HHAT: variants seen among roughly 807,000 people sequenced by gnomAD.
The protein encoded by HHAT is protein-cysteine N-palmitoyltransferase HHAT.
Under a neutral mutation model 70.8 loss-of-function variants are expected in HHAT, and 47 were observed. The ratio of observed to expected loss-of-function variants is 0.66; its 90% CI spans 0.53 to 0.85. HHAT has a LOEUF of 0.85. Among genes scored for constraint, HHAT ranks in the 40% least tolerant of loss-of-function variants. The pLI is 0.00. For synonymous variants in HHAT, 228 were observed against 247.6 expected (o/e 0.92, Z 0.74); for missense variants, 609 against 604.8 (o/e 1.01, Z -0.07).
At position 210,385,133 on chromosome 1, in the gene HHAT, T is replaced by TTC. The variant is rs397864232; in HGVS notation, c.160-2335_160-2334insTC. 3.3e-5 allele frequency among the ~76,000 whole-genome samples: 5 copies of TTC among 152,070 alleles called. No individual in the cohort carries two copies. The East Asian group carries it at 9.7e-4, about 29-fold the overall frequency. On this transcript the variant is annotated intron_variant, in intron 3 of 11. Coordinates refer to ENST00000261458, the MANE Select transcript of HHAT (RefSeq NM_018194.6). ...TGTTTTGTTGTATTATATCCTTTTT[T>TTC]CCACCCTAAAAAATTAAACTTGGAG...
At position 210,328,994 on chromosome 1, in the gene HHAT, G is replaced by T. The variant is rs996743394; in HGVS notation, c.-154G>T. 8.8e-6 allele frequency: 12 copies of T among 1,367,848 alleles called. No homozygotes were observed. The East Asian group carries it at 9.3e-5, about 11-fold the overall frequency. 84.7% of individuals were successfully genotyped at this position (1,367,848 alleles called of 1,614,324 possible). On this transcript the variant is annotated 5_prime_UTR_variant, in exon 1 of 12. Transcript: ENST00000261458. ...GGAAAGAGGGTGGCGTCCCGGGGAA[G>T]CCCGCAGCCGCCGCCGATGTCGCTG...
intron 7 of HHAT, among the ~76,000 whole-genome samples, chr1:210,419,336 T>G (rs1354798703): frequency 1.3e-5 from 2 of 152,194 alleles, no homozygotes; most frequent in Non-Finnish European, 2.9e-5. Context: ...AAGTCTTACT[T>G]CCTCAGCAGG....
chr1:210,580,498 A>AC (rs549835453), intron 9 of HHAT, among the ~76,000 whole-genome samples: 1 of 34,796 alleles, frequency 2.9e-5, no homozygotes, highest in Admixed American at 3.9e-4. Flanking sequence ...CCCACCCCCC[A>AC]CCCCCCAGCA....
chr1:210,436,414 G>T (rs542017466), intron 7 of HHAT, among the ~76,000 whole-genome samples: 1 of 151,584 alleles, frequency 6.6e-6, no homozygotes, highest in African/African-American at 2.4e-5. Context: ...CTTCAACTTC[G>T]TTCTTTTTGC....
At chr1:210,361,385 T>C (rs1388475335) in intron 2 of HHAT, among the ~76,000 whole-genome samples, 1 of 152,236 alleles carries the variant, frequency 6.6e-6, no homozygotes, top group Non-Finnish European at 1.5e-5. Flanking sequence ...ACCAGTGCCC[T>C]ACTGCAATCA....
chr1:210,405,773 G>A (rs1380131989), intron 6 of HHAT, among the ~76,000 whole-genome samples: 1 of 152,146 alleles, frequency 6.6e-6, no homozygotes, highest in Non-Finnish European at 1.5e-5. Context: ...CTAGAAATCT[G>A]TAAGTGAAAT....
intron 1 of HHAT, among the ~76,000 whole-genome samples, chr1:210,332,810 T>C (rs1262871749): frequency 6.6e-6 from 1 of 152,256 alleles, no homozygotes; most frequent in African/African-American, 2.4e-5. Context: ...AACCTGTAAT[T>C]TGAGTATGAC....
intron 8 of HHAT, among the ~76,000 whole-genome samples, chr1:210,481,502 AC>A (rs1410200805): frequency 6.6e-5 from 10 of 152,164 alleles, no homozygotes; most frequent in Non-Finnish European, 1.5e-4. Flanking sequence ...GTCACTTTTA[AC>A]AATGAAATCG....
intron 7 of HHAT, chr1:210,439,836 T>C (rs1486907183): frequency 2.0e-5 from 3 of 151,916 alleles, no homozygotes; most frequent in African/African-American, 4.9e-5. Flanking sequence ...TCCCTGAGGT[T>C]TGGGGACTTG....
chr1:210,504,006 GA>G (rs780417421), intron 8 of HHAT, among the ~76,000 whole-genome samples: 90 of 152,134 alleles, frequency 5.9e-4, no homozygotes, highest in Non-Finnish European at 1.0e-3. Flanking sequence ...TCCACAATAA[GA>G]AAAACATCAA....
At position 210,346,070 on chromosome 1, in the gene HHAT, G is replaced by GA. The variant is rs10616850; in HGVS notation, c.-43-2848dup. 6.3e-3 allele frequency among the ~76,000 whole-genome samples: 819 copies of GA among 129,600 alleles called. 2 individuals are homozygous for GA. The highest frequency in any genetic ancestry group is 0.013 in the African/African-American group (486 of 36,938). 85.0% of individuals were successfully genotyped at this position (129,600 alleles called of 152,430 possible). A position where few individuals can be genotyped will look rare whatever the true frequency, so the allele number is the denominator to read the frequency against. On this transcript the variant is annotated intron_variant, in intron 1 of 11. Transcript: ENST00000261458. ...CAGAGCAAGACCCTGTCTCCAGGAA[G>GA]AAAAAAAAAAAAAAAGCAGCACCAA...
At chr1:210,631,219 C>G (rs998800141) in intron 11 of HHAT, 1 of 424,098 alleles carries the variant, frequency 2.4e-6, no homozygotes, top group Non-Finnish European at 4.7e-6. Flanking sequence ...ACTCTTCTCT[C>G]TCTGCTCTGT....
At chr1:210,423,512 T>C (rs2092966627) in intron 7 of HHAT, among the ~76,000 whole-genome samples, 1 of 152,224 alleles carries the variant, frequency 6.6e-6, no homozygotes, top group South Asian at 2.1e-4. Context: ...CTGTAAGTTG[T>C]CTTTTCACTC....
intron 2 of HHAT, among the ~76,000 whole-genome samples, chr1:210,351,156 G>A (rs907863793): frequency 6.6e-6 from 1 of 152,212 alleles, no homozygotes; most frequent in Non-Finnish European, 1.5e-5. Flanking sequence ...GAGAACTGGA[G>A]TAGCCTATGA....
intron 1 of HHAT, among the ~76,000 whole-genome samples, chr1:210,333,437 A>G (rs1189419979): frequency 6.8e-6 from 1 of 146,592 alleles, no homozygotes; most frequent in Non-Finnish European, 1.5e-5. Flanking sequence ...AAAAATAATA[A>G]TAAAATGAAA....
At chr1:210,406,668 G>C (rs2092344529) in intron 6 of HHAT, among the ~76,000 whole-genome samples, 1 of 152,186 alleles carries the variant, frequency 6.6e-6, no homozygotes, top group South Asian at 2.1e-4. Context: ...TAGGATTACA[G>C]GCTTGAGCCT....
intron 9 of HHAT, among the ~76,000 whole-genome samples, chr1:210,520,259 C>T (rs748040826): frequency 1.3e-5 from 2 of 152,172 alleles, no homozygotes; most frequent in Non-Finnish European, 2.9e-5. Flanking sequence ...TCGTGATCCA[C>T]CCACCTCAGC....
chr1:210,374,169 A>G (rs1481996411), intron 3 of HHAT: 2 of 152,202 alleles, frequency 1.3e-5, no homozygotes, highest in Non-Finnish European at 1.5e-5. Flanking sequence ...TCCCCAGGGC[A>G]AGGCTTACAA....
In HHAT at chr1:210,674,374, G is replaced by A. The variant is rs200680141; in HGVS notation, c.1477G>A (p.Asp493Asn). ...GIAWAQTYAT[D>N] The stretch of plus-strand genomic sequence containing the variant: ...TGCCTGGGCCCAGACCTACGCCACG[G>A]ACTAATGCTGTTGGGCCCAGGCCAG... Residue 493 changes from aspartate (D) to asparagine (N), a missense_variant, in exon 12 of 12, where the codon GAC becomes AAC. Asp to Asn is a conservative substitution (Grantham distance 23). Transcript: ENST00000261458. The A allele has an allele frequency of 5.6e-6, 9 of 1,613,720 alleles. No individual in the cohort carries two copies. Among genetic ancestry groups the A allele is most frequent in the Admixed American group, 3.3e-5 (2 of 60,028 alleles).
Sources: gnomAD v4.1 joint callset for allele counts (sites outside exome capture counted in the v4.1 genomes callset) on GRCh38, gnomAD v4.1.1 for gene constraint, MANE v1.5 for transcripts, NCBI Gene and HGNC (gene_info 2026-07-23, HGNC 2026-07-21) for gene names.